FAM227B: variants seen among roughly 807,000 people sequenced by gnomAD.
FAM227B encodes protein FAM227B.
Under a neutral mutation model 73.8 loss-of-function variants are expected in FAM227B, and 88 were observed. That is an observed-to-expected ratio of 1.19 (90% CI 1.00 to 1.42). The LOEUF (loss-of-function observed/expected upper bound fraction) is 1.42. Ranked by LOEUF, FAM227B falls within the 40% of genes most tolerant of loss-of-function variation. The pLI, the probability that FAM227B is intolerant of heterozygous loss-of-function variation, is 0.00. For synonymous variants in FAM227B, 210 were observed against 190.5 expected (o/e 1.10, Z -0.84); for missense variants, 632 against 590.9 (o/e 1.07, Z -0.72).
intron 11 of FAM227B, among the ~76,000 whole-genome samples, chr15:49,414,276 T>C (rs188463344): frequency 7.3e-4 from 111 of 152,094 alleles, no homozygotes; most frequent in Admixed American, 3.3e-3. Context: ...GGGTTCCTCA[T>C]GCAGACTGAA....
intron 8 of FAM227B, among the ~76,000 whole-genome samples, chr15:49,569,020 T>C (rs747029174): frequency 7.9e-5 from 12 of 151,956 alleles, no homozygotes; most frequent in Non-Finnish European, 1.5e-4. Context: ...GGGCTTTTCT[T>C]TGATGGGAGG....
chr15:49,358,454 G>C (rs1163622660), intron 13 of FAM227B, among the ~76,000 whole-genome samples: 1 of 139,570 alleles, frequency 7.2e-6, no homozygotes, highest in Non-Finnish European at 1.6e-5. Flanking sequence ...CAGACAAACA[G>C]AGAGCCAAAT....
chr15:49,526,808 A>C (rs1481847094), intron 10 of FAM227B, among the ~76,000 whole-genome samples: 1 of 152,044 alleles, frequency 6.6e-6, no homozygotes, highest in East Asian at 1.9e-4. Context: ...GAAATGGATA[A>C]ATTTTGTGGA....
chr15:49,469,512 A>G (rs1160349512), intron 11 of FAM227B, among the ~76,000 whole-genome samples: 3 of 152,088 alleles, frequency 2.0e-5, no homozygotes, highest in Non-Finnish European at 1.5e-5. Flanking sequence ...CCTTTCTTAG[A>G]GTCAGAACAA....
chr15:49,502,218 G>C (rs1320497203), intron 11 of FAM227B, among the ~76,000 whole-genome samples: 1 of 152,232 alleles, frequency 6.6e-6, no homozygotes, highest in Non-Finnish European at 1.5e-5. Context: ...TAGTCGAACT[G>C]TGAGAAGGGG....
In FAM227B at chr15:49,444,367, G is replaced by C. The variant is rs553688416; in HGVS notation, c.1012+63844C>G. ...TTGAAAATGCACGGAACCAAAGTTG[G>C]TTTAAACAGTAACAGATTATGTTTT... On this transcript the variant is annotated intron_variant, in intron 11 of 15. Coordinates refer to ENST00000299338, the MANE Select transcript of FAM227B (RefSeq NM_152647.3). 2.0e-5 allele frequency among the ~76,000 whole-genome samples: 3 copies of C among 151,726 alleles called. No homozygotes were observed. The South Asian group carries it at 6.2e-4, about 32-fold the overall frequency.
At chr15:49,422,145 A>AGAGAGAGAGAGAGAGT (rs757128514) in intron 11 of FAM227B, among the ~76,000 whole-genome samples, 106 of 139,896 alleles carry the variant, frequency 7.6e-4, no homozygotes, top group African/African-American at 1.4e-3. Flanking sequence ...AGAGAGAGAG[A>AGAGAGAGAGAGAGAGT]GTGTGTGTGT....
intron 11 of FAM227B, among the ~76,000 whole-genome samples, chr15:49,380,183 T>C (rs1257140366): frequency 6.6e-6 from 1 of 152,308 alleles, no homozygotes; most frequent in African/African-American, 2.4e-5. Context: ...TGGGGAGTAC[T>C]GCCAGACTAC....
At position 49,508,198 on chromosome 15, in the gene FAM227B, A is replaced by C. The variant is rs1212234271; in HGVS notation, c.1012+13T>G. 1 of 1,600,978 alleles carries C rather than the reference A, an allele frequency of 6.2e-7. No homozygotes were observed. The highest frequency in any genetic ancestry group is 8.5e-7 in the Non-Finnish European group (1 of 1,175,980). On this transcript the variant is annotated intron_variant, in intron 11 of 15. Coordinates refer to ENST00000299338, the MANE Select transcript of FAM227B (RefSeq NM_152647.3). Reference sequence around the variant, plus strand: ...ACCTATTCCATTTGGCAGTATACAGAAACTTTACTTACTAGTTGATATATG... The same window carrying C: ...ACCTATTCCATTTGGCAGTATACAGCAACTTTACTTACTAGTTGATATATG...
chr15:49,367,427 G>A (rs2045394140), intron 13 of FAM227B, 21 bp downstream of exon 13: 1 of 1,520,072 alleles, frequency 6.6e-7, no homozygotes, highest in Non-Finnish European at 8.8e-7. Flanking sequence ...TTATATTAAA[G>A]CAAAGCTTTA....
rs112107855 is a variant in FAM227B, at chr15:49,375,264, C to A, written c.1013-3865G>T. 8.0e-3 allele frequency among the ~76,000 whole-genome samples: 1,213 copies of A among 152,270 alleles called. 8 individuals carry two copies. Among genetic ancestry groups the A allele is most frequent in the Middle Eastern group, 0.034 (10 of 294 alleles). On this transcript the variant is annotated intron_variant, in intron 11 of 15. Coordinates refer to ENST00000299338, the MANE Select transcript of FAM227B (RefSeq NM_152647.3). ...GCATCGTTAGGTTTCACTAACTCTG[C>A]ACCAAATTTAGTATATCCAAAAACA...
chr15:49,384,117 A>G (rs1445340023), intron 11 of FAM227B, among the ~76,000 whole-genome samples: 2 of 152,072 alleles, frequency 1.3e-5, no homozygotes, highest in African/African-American at 4.8e-5. Context: ...GCAAGGTAGG[A>G]CTTCTCTTTA....
At chr15:49,595,386 A>AT (rs1314313772) in intron 3 of FAM227B, among the ~76,000 whole-genome samples, 35 of 152,174 alleles carry the variant, frequency 2.3e-4, no homozygotes, top group African/African-American at 8.4e-4. Flanking sequence ...TCATATCAAC[A>AT]GTGAACAGTG....
chr15:49,470,926 C>T (rs1258283335), intron 11 of FAM227B, among the ~76,000 whole-genome samples: 1 of 152,134 alleles, frequency 6.6e-6, no homozygotes, highest in African/African-American at 2.4e-5. Flanking sequence ...GTAAGGACAC[C>T]AAGGGAACTA....
At chr15:49,619,407 C>T (rs1164305157) in intron 1 of FAM227B, among the ~76,000 whole-genome samples, 1 of 152,128 alleles carries the variant, frequency 6.6e-6, no homozygotes, top group Non-Finnish European at 1.5e-5. Context: ...CAATTTTTGC[C>T]TTGTTCATTG....
At chr15:49,422,608 T>C in intron 11 of FAM227B, 1 of 1,182,350 alleles carries the variant, frequency 8.5e-7, no homozygotes, top group Non-Finnish European at 1.2e-6. Context: ...ACACCAATTT[T>C]ACAAATGTAG....
intron 3 of FAM227B, among the ~76,000 whole-genome samples, chr15:49,591,928 A>C (rs1472653918): frequency 6.6e-6 from 1 of 152,162 alleles, no homozygotes; most frequent in Non-Finnish European, 1.5e-5. Flanking sequence ...AAAAGCACTT[A>C]GGTTGATTCC....
intron 12 of FAM227B, chr15:49,367,936 T>A (rs1462819218): frequency 1.3e-5 from 2 of 156,790 alleles, no homozygotes; most frequent in East Asian, 3.5e-4. Flanking sequence ...TCTGAACAAA[T>A]GATGGTCTCA....
chr15:49,598,153 A>G (rs574683926), intron 3 of FAM227B, among the ~76,000 whole-genome samples: 1 of 152,104 alleles, frequency 6.6e-6, no homozygotes, highest in East Asian at 1.9e-4. Flanking sequence ...TACCAAAACT[A>G]GGAAAAGACA....
Sources: allele counts gnomAD v4.1 joint callset (sites outside exome capture counted in the v4.1 genomes callset), GRCh38; gene constraint gnomAD v4.1.1; transcripts MANE v1.5; gene names NCBI Gene and HGNC (gene_info 2026-07-23, HGNC 2026-07-21).